The following ARID1B variants were observed in gnomAD, a reference collection of about 807,000 sequenced individuals.
ARID1B encodes the protein AT-rich interactive domain-containing protein 1B.
ARID1B carries 30 observed loss-of-function variants against 212.3 expected under a neutral mutation model. The ratio of observed to expected loss-of-function variants is 0.14; its 90% confidence interval spans 0.11 to 0.19. The LOEUF (loss-of-function observed/expected upper bound fraction) is 0.19, where lower values mean the gene tolerates loss of function less well. Among genes scored for constraint, ARID1B ranks in the 10% least tolerant of loss-of-function variants. The pLI, the probability that ARID1B is intolerant of heterozygous loss-of-function variation, is 1.00. For missense variants in ARID1B, 2,891 were observed against 3,204.0 expected (o/e 0.90, Z 2.36); for synonymous variants, 1,402 against 1,301.7 (o/e 1.08, Z -1.66).
intron 2 of ARID1B, among the ~76,000 whole-genome samples, chr6:156,852,722 A>G (rs138905163): frequency 7.8e-4 from 119 of 152,332 alleles, no homozygotes; most frequent in Admixed American, 3.5e-3. Context: ...AATGACTTGT[A>G]TTATATTTTC....
rs368988882 is a variant in ARID1B, at chr6:157,133,182, A to G, written c.2736A>G (p.Pro912=). The G allele has an allele frequency of 3.7e-5, 60 of 1,613,002 alleles. No homozygotes were observed. Among genetic ancestry groups the G allele is most frequent in the Middle Eastern group, 1.6e-4 (1 of 6,074 alleles). ...QQSNSSGTYG[P]QMSQYGPQGN... is the part of the protein sequence containing the mutation. ...GTAACTCAAGTGGGACTTACGGTCC[A>G]CAGATGAGCCAGTATGGACCACAAG... Residue 912 remains proline (P), a synonymous_variant, in exon 7 of 20, where the codon CCA becomes CCG. Transcript: ENST00000636930.
At chr6:157,139,922 C>T (rs1789218347) in intron 7 of ARID1B, among the ~76,000 whole-genome samples, 1 of 151,706 alleles carries the variant, frequency 6.6e-6, no homozygotes, top group Non-Finnish European at 1.5e-5. Context: ...CAGGTTTTCA[C>T]CATGTTGGCC....
chr6:157,086,811 A>G (rs1312373034), intron 5 of ARID1B, among the ~76,000 whole-genome samples: 1 of 152,222 alleles, frequency 6.6e-6, no homozygotes, highest in Non-Finnish European at 1.5e-5. Context: ...AACTGGCCTC[A>G]GAGTCTGTGG....
rs2128518156 is a variant in ARID1B, at chr6:157,110,543, C to T, written c.2563C>T (p.Pro855Ser). Reference protein sequence around the residue: ...SSSHPALSQSPMPQERGFMAG... With the variant: ...SSSHPALSQSSMPQERGFMAG... The stretch of plus-strand genomic sequence containing the variant: ...TTCCCATCCCGCCTTGAGCCAGTCA[C>T]CAATGCCACAGGAAAGAGGTTCGTC... The change falls in exon 6 of 20, where the codon CCA becomes TCA. Residue 855 changes from proline to serine, a missense_variant. Pro to Ser is a moderately conservative substitution (Grantham distance 74, BLOSUM62 -1). This residue lies in a region of ARID1B where 1,643 missense variants were observed against 1,544.0 expected (regional missense o/e 1.06). Coordinates refer to ENST00000636930, the MANE Select transcript of ARID1B (RefSeq NM_001374828.1). 1 of 1,614,192 alleles carries T rather than the reference C, an allele frequency of 6.2e-7. No individual in the cohort carries two copies. Among genetic ancestry groups the T allele is most frequent in the Non-Finnish European group, 8.5e-7 (1 of 1,180,036 alleles).
intron 6 of ARID1B, among the ~76,000 whole-genome samples, chr6:157,122,051 T>G (rs773943955): frequency 5.3e-5 from 8 of 152,192 alleles, no homozygotes; most frequent in Non-Finnish European, 1.2e-4. Flanking sequence ...CAGGGACATG[T>G]TTTAGAAATG....
rs114777278 is a variant in ARID1B, at chr6:156,914,437, C to T, written c.2136+12912C>T. ...CACCTGTCTTGCTTGGTTCCTGGGA[C>T]GCCACCCTCTCCTGGCTCTCTTCCT... On this transcript the variant is annotated intron_variant, in intron 3 of 19. Transcript: ENST00000636930. Among the ~76,000 whole-genome samples the T allele has an allele frequency of 8.4e-3, 1,277 of 152,294 alleles. 20 individuals carry two copies. Among genetic ancestry groups the T allele is most frequent in the African/African-American group, 0.029 (1,212 of 41,556 alleles).
At chr6:156,845,038 G>C (rs965013705) in intron 2 of ARID1B, among the ~76,000 whole-genome samples, 1 of 151,436 alleles carries the variant, frequency 6.6e-6, no homozygotes, top group Non-Finnish European at 1.5e-5. Context: ...TAGCCTTCCC[G>C]TGTCTGGGGA....
At position 156,935,514 on chromosome 6, in the gene ARID1B, C is replaced by G. The variant is rs2128274830; in HGVS notation, c.2185C>G (p.Pro729Ala). The G allele has an allele frequency of 6.2e-7, 1 of 1,613,998 alleles. No individual in the cohort carries two copies. Among genetic ancestry groups the G allele is most frequent in the East Asian group, 2.2e-5 (1 of 44,882 alleles). ...YGTRSQPPLA[P>A]GKPNHEDLNL... ...AACTAGATCTCAACCTCCTCTGGCC[C>G]CCGGAAAACCTAACCATGAAGACTT... is the stretch of plus-strand genomic sequence containing the variant. The change falls in exon 4 of 20, where the codon CCC becomes GCC. Residue 729 changes from proline to alanine, a missense_variant. By Grantham distance (27) the Pro-to-Ala change is conservative. This residue lies in a region of ARID1B where 1,643 missense variants were observed against 1,544.0 expected (regional missense o/e 1.06). Coordinates refer to ENST00000636930, the MANE Select transcript of ARID1B (RefSeq NM_001374828.1).
intron 16 of ARID1B, among the ~76,000 whole-genome samples, chr6:157,197,724 G>A (rs182978123): frequency 1.1e-4 from 17 of 152,238 alleles, no homozygotes; most frequent in Admixed American, 1.0e-3. Flanking sequence ...GTTTTTTTGG[G>A]GGGGGTAGCT....
chr6:156,832,976 A>G (rs1252968024), intron 2 of ARID1B, among the ~76,000 whole-genome samples: 2 of 152,230 alleles, frequency 1.3e-5, no homozygotes, highest in Non-Finnish European at 2.9e-5. Context: ...TCAGGCAAAT[A>G]CATGGCTAAA....
rs561660409 is a variant in ARID1B, at chr6:157,030,035, G to A, written c.2248-54627G>A. Among the ~76,000 whole-genome samples, 35 of 152,306 alleles carry A rather than the reference G, an allele frequency of 2.3e-4. 1 individual carries two copies. Among genetic ancestry groups the A allele is most frequent in the African/African-American group, 7.2e-4 (30 of 41,564 alleles). On this transcript the variant is annotated intron_variant, in intron 4 of 19. Transcript: ENST00000636930. ...TACAGTGCATCAGTTAGTTTTTGCAGTAGTGCTCAGAACAGCCACCATTTA... is the reference window on the plus strand; with the variant it reads ...TACAGTGCATCAGTTAGTTTTTGCAATAGTGCTCAGAACAGCCACCATTTA...
intron 4 of ARID1B, among the ~76,000 whole-genome samples, chr6:156,961,509 G>T (rs1326400030): frequency 6.6e-6 from 1 of 152,184 alleles, no homozygotes; most frequent in Non-Finnish European, 1.5e-5. Context: ...GGTCCGCTGC[G>T]TTGCGCGGGC....
chr6:156,840,086 C>T (rs1783788783), intron 2 of ARID1B, among the ~76,000 whole-genome samples: 5 of 152,174 alleles, frequency 3.3e-5, no homozygotes, highest in Admixed American at 6.5e-5. Flanking sequence ...TCTTCAGTGT[C>T]GCCTCCTGTA....
At chr6:156,977,537 C>T (rs1432559608) in intron 4 of ARID1B, among the ~76,000 whole-genome samples, 1 of 152,022 alleles carries the variant, frequency 6.6e-6, no homozygotes, top group African/African-American at 2.4e-5. Flanking sequence ...ATATCTCTAC[C>T]TTAAGATGCA....
At chr6:156,956,389 A>G (rs979586546) in intron 4 of ARID1B, among the ~76,000 whole-genome samples, 5 of 152,124 alleles carry the variant, frequency 3.3e-5, no homozygotes, top group Admixed American at 1.3e-4. Flanking sequence ...AAATTTGGCA[A>G]TAAGTTTTAT....
chr6:156,781,010 TAGGC>T (rs1472912633), intron 1 of ARID1B, among the ~76,000 whole-genome samples: 1 of 152,222 alleles, frequency 6.6e-6, no homozygotes, highest in Non-Finnish European at 1.5e-5. Flanking sequence ...AAGATTTTGA[TAGGC>T]AGCAATATAT....
intron 4 of ARID1B, among the ~76,000 whole-genome samples, chr6:157,046,841 A>G (rs1163884465): frequency 6.6e-6 from 1 of 152,208 alleles, no homozygotes; most frequent in Non-Finnish European, 1.5e-5. Context: ...TTTTTCTCAA[A>G]GAGAAAATGT....
intron 4 of ARID1B, among the ~76,000 whole-genome samples, chr6:157,004,906 T>TTTTTTTTG (rs1779141496): frequency 4.6e-5 from 5 of 108,674 alleles, no homozygotes; most frequent in South Asian, 3.1e-4. Flanking sequence ...TCTTTTTTTT[T>TTTTTTTTG]TTTTTTTTTT....
chr6:157,135,652 G>A lies in ARID1B; in HGVS notation c.2761+2445G>A, dbSNP rs80308770. On this transcript the variant is annotated intron_variant, in intron 7 of 19. Coordinates refer to ENST00000636930, the MANE Select transcript of ARID1B (RefSeq NM_001374828.1). ...CCAAATCAAAATCATCACCTTTTCC[G>A]CCTTGGAGCCTCCTGTCCTCAGCAA... Among the ~76,000 whole-genome samples, 1,187 of 152,220 alleles carry A rather than the reference G, an allele frequency of 7.8e-3. 14 individuals are homozygous for A. Among genetic ancestry groups the A allele is most frequent in the African/African-American group, 0.024 (982 of 41,530 alleles).
Sources: gnomAD v4.1 joint callset for allele counts (sites outside exome capture counted in the v4.1 genomes callset) on GRCh38, gnomAD v4.1.1 for gene constraint, gnomAD v4.1.1 regional missense constraint, MANE v1.5 for transcripts, NCBI Gene and HGNC (gene_info 2026-07-23, HGNC 2026-07-21) for gene names.